Variants in HECW1 observed in about 807,000 individuals in gnomAD.
HECW1 encodes the protein E3 ubiquitin-protein ligase HECW1.
In HECW1, 61 loss-of-function variants were observed where a neutral mutation model predicts 182.3. That is an observed-to-expected ratio of 0.33 (90% CI 0.27 to 0.41). The LOEUF (loss-of-function observed/expected upper bound fraction) is 0.41, where lower values mean the gene tolerates loss of function less well. Ranked by LOEUF, HECW1 falls within the 10% of genes least tolerant of loss-of-function variation. HECW1 has a pLI of 1.00. For synonymous variants in HECW1, 859 were observed against 832.6 expected (o/e 1.03, Z -0.55); for missense variants, 1,739 against 2,108.9 (o/e 0.82, Z 3.44).
At chr7:43,113,935 G>A (rs1420361452) in intron 1 of HECW1, 2 of 268,496 alleles carry the variant, frequency 7.4e-6, no homozygotes, top group Admixed American at 4.9e-5. Flanking sequence ...TCAGCGCGTA[G>A]GGGGAGCTGG....
chr7:43,517,435 G>A (rs1452385468), intron 24 of HECW1, among the ~76,000 whole-genome samples: 1 of 151,956 alleles, frequency 6.6e-6, no homozygotes, highest in Non-Finnish European at 1.5e-5. Flanking sequence ...GCAAGGGGAA[G>A]TGGGGGAGGA....
In HECW1 at chr7:43,545,150, T is replaced by A. The variant is rs79274887; in HGVS notation, c.4248+3152T>A. ...CATTCCCCAGCATATGCATAGAATC[T>A]CCCTGGAAGGGAAGTAGAGATGACT... On this transcript the variant is annotated intron_variant, in intron 26 of 29. Coordinates refer to ENST00000395891, the MANE Select transcript of HECW1 (RefSeq NM_015052.5). Among the ~76,000 whole-genome samples the A allele has an allele frequency of 9.1e-3, 1,378 of 152,240 alleles. 21 individuals are homozygous for A. Among genetic ancestry groups the A allele is most frequent in the African/African-American group, 0.032 (1,319 of 41,526 alleles).
At chr7:43,461,411 A>G (rs2077577875) in intron 13 of HECW1, among the ~76,000 whole-genome samples, 1 of 152,264 alleles carries the variant, frequency 6.6e-6, no homozygotes, top group African/African-American at 2.4e-5. Context: ...AAGGAGAGAT[A>G]CAGTTCTGGA....
At chr7:43,208,378 C>T (rs1795686780) in intron 2 of HECW1, among the ~76,000 whole-genome samples, 2 of 152,168 alleles carry the variant, frequency 1.3e-5, no homozygotes, top group African/African-American at 4.8e-5. Flanking sequence ...CTTCCTTTAC[C>T]TCGAAACAAT....
intron 5 of HECW1, among the ~76,000 whole-genome samples, chr7:43,326,846 C>T (rs933320077): frequency 6.6e-6 from 1 of 152,228 alleles, no homozygotes; most frequent in East Asian, 1.9e-4. Flanking sequence ...TCTCCCTTGA[C>T]ATTCAGAGCA....
intron 8 of HECW1, among the ~76,000 whole-genome samples, chr7:43,433,619 G>T (rs922766516): frequency 1.3e-5 from 2 of 152,202 alleles, no homozygotes; most frequent in African/African-American, 4.8e-5. Flanking sequence ...CCCAGCGGTG[G>T]GCCTTGTACA....
chr7:43,430,391 G>A (rs1349719025), intron 8 of HECW1, among the ~76,000 whole-genome samples: 2 of 152,282 alleles, frequency 1.3e-5, no homozygotes, highest in African/African-American at 2.4e-5. Flanking sequence ...AGCAGATCAA[G>A]TTAGTAAAAA....
intron 2 of HECW1, among the ~76,000 whole-genome samples, chr7:43,191,668 A>G (rs897712746): frequency 1.3e-5 from 2 of 152,192 alleles, no homozygotes. Context: ...CATTCTCGGG[A>G]CTTAACACAG....
intron 6 of HECW1, among the ~76,000 whole-genome samples, chr7:43,391,421 GTTCT>G (rs2075026390): frequency 1.3e-5 from 2 of 152,168 alleles, no homozygotes; most frequent in African/African-American, 4.8e-5. Flanking sequence ...TCATTGAATT[GTTCT>G]TAGCTCAGCT....
At chr7:43,469,586 C>T (rs997481641) in intron 16 of HECW1, among the ~76,000 whole-genome samples, 1 of 152,140 alleles carries the variant, frequency 6.6e-6, no homozygotes, top group Non-Finnish European at 1.5e-5. Flanking sequence ...GCCTAACAAG[C>T]AGGGTGGGGT....
At chr7:43,559,237 A>G (rs2082130874) in intron 29 of HECW1, among the ~76,000 whole-genome samples, 2 of 152,164 alleles carry the variant, frequency 1.3e-5, no homozygotes, top group Admixed American at 1.3e-4. Flanking sequence ...CCAATCCAAA[A>G]TTATCTCAAA....
At chr7:43,393,300 C>A (rs143772522) in intron 6 of HECW1, among the ~76,000 whole-genome samples, 1 of 152,306 alleles carries the variant, frequency 6.6e-6, no homozygotes, top group Non-Finnish European at 1.5e-5. Flanking sequence ...CCTGGCAGGC[C>A]TGCAGCCTCA....
intron 2 of HECW1, among the ~76,000 whole-genome samples, chr7:43,154,416 AAAAT>A (rs1183022976): frequency 5.9e-5 from 9 of 152,178 alleles, no homozygotes; most frequent in Non-Finnish European, 1.0e-4. Flanking sequence ...TGTCAAAGAC[AAAAT>A]AAATTATGGT....
intron 8 of HECW1, among the ~76,000 whole-genome samples, chr7:43,417,256 G>T (rs530899169): frequency 6.6e-6 from 1 of 152,146 alleles, no homozygotes; most frequent in East Asian, 1.9e-4. Context: ...CACCATGTTG[G>T]CCAGGCTTGT....
intron 27 of HECW1, among the ~76,000 whole-genome samples, chr7:43,551,046 C>T (rs899762779): frequency 6.6e-6 from 1 of 152,170 alleles, no homozygotes; most frequent in African/African-American, 2.4e-5. Flanking sequence ...ATGAGGAAGA[C>T]AGGGAGGGCC....
intron 2 of HECW1, among the ~76,000 whole-genome samples, chr7:43,240,287 G>GGGGTTTGGGAATGCTGACATCAT (rs1562719669): frequency 3.9e-5 from 6 of 152,012 alleles, no homozygotes; most frequent in African/African-American, 1.5e-4. Context: ...GCAGTGAGCC[G>GGGGTTTGGGAATGCTGACATCAT]AGATCTGGCC....
intron 26 of HECW1, among the ~76,000 whole-genome samples, chr7:43,548,573 T>C (rs2081661418): frequency 6.6e-6 from 1 of 152,186 alleles, no homozygotes; most frequent in Non-Finnish European, 1.5e-5. Context: ...GGCTTTAGGA[T>C]TAGATTCAGC....
chr7:43,291,823 G>A (rs933862239), intron 3 of HECW1, among the ~76,000 whole-genome samples: 6 of 152,136 alleles, frequency 3.9e-5, no homozygotes, highest in South Asian at 2.1e-4. Flanking sequence ...GGTAAATCTC[G>A]AGTAGATTTC....
intron 6 of HECW1, among the ~76,000 whole-genome samples, chr7:43,363,264 AC>A (rs1816195650): frequency 6.6e-6 from 1 of 152,204 alleles, no homozygotes; most frequent in Non-Finnish European, 1.5e-5. Context: ...GGCTGCCATC[AC>A]CAGAAACAAA....
Sources: allele counts gnomAD v4.1 joint callset (sites outside exome capture counted in the v4.1 genomes callset), GRCh38; gene constraint gnomAD v4.1.1; transcripts MANE v1.5; gene names NCBI Gene and HGNC (gene_info 2026-07-23, HGNC 2026-07-21).